ALMS1: variants seen among roughly 807,000 people sequenced by gnomAD.
The protein encoded by ALMS1 is ALMS1 centrosome and basal body associated protein.
In ALMS1, 271 loss-of-function variants were observed where a neutral mutation model predicts 352.2. The observed-to-expected ratio is 0.77, with a 90% CI of 0.70 to 0.85. The LOEUF is 0.85. Ranked by LOEUF, ALMS1 falls within the 40% of genes least tolerant of loss-of-function variation. The probability of loss-of-function intolerance (pLI) is 0.00; values close to 1 mark genes in which losing one functional copy is unlikely to be tolerated. For missense variants in ALMS1, 5,445 were observed against 4,870.7 expected (o/e 1.12, Z -3.51); for synonymous variants, 1,865 against 1,761.2 (o/e 1.06, Z -1.48).
chr2:73,392,768 T>C (rs1039556988), intron 1 of ALMS1, among the ~76,000 whole-genome samples: 3 of 152,340 alleles, frequency 2.0e-5, no homozygotes, highest in East Asian at 1.9e-4. Context: ...ATGTTTTTTT[T>C]CCTCCTTTTT....
intron 9 of ALMS1, among the ~76,000 whole-genome samples, chr2:73,466,489 T>G (rs1222539252): frequency 4.6e-4 from 8 of 17,314 alleles, no homozygotes; most frequent in Admixed American, 9.7e-4. Context: ...TGTTGTGGGG[T>G]GGGGGGAGGG....
At chr2:73,522,019 A>G (rs1406161610) in intron 11 of ALMS1, among the ~76,000 whole-genome samples, 2 of 151,776 alleles carry the variant, frequency 1.3e-5, no homozygotes, top group Non-Finnish European at 2.9e-5. Context: ...TGAATTAACA[A>G]GTTCCTCTAC....
chr2:73,428,463 A>G (rs1410350473), intron 6 of ALMS1, among the ~76,000 whole-genome samples: 3 of 152,196 alleles, frequency 2.0e-5, no homozygotes, highest in Non-Finnish European at 4.4e-5. Context: ...GAGATTGCCT[A>G]AAGTTGAGTT....
In ALMS1 at chr2:73,408,671, ATAG is replaced by A. The variant is rs760942576; in HGVS notation, c.378_380del (p.Ser126del). 33 of 1,613,650 alleles carry A rather than the reference ATAG, an allele frequency of 2.0e-5. No individual in the cohort carries two copies. In the Middle Eastern group the frequency reaches 8.3e-4, roughly 40 times the overall value. On this transcript the variant is annotated inframe_deletion, in exon 2 of 23. Coordinates refer to ENST00000613296, the MANE Select transcript of ALMS1 (RefSeq NM_001378454.1). ...TGGCAACAGATAGTATATCAAGGCA[ATAG>A]TAGAACACAAATTTCTGATACTAAT...
rs374334305 is a variant in ALMS1 at position 73,481,834 on chromosome 2, A to G, written c.7675-7800A>G. 4.0e-5 allele frequency among the ~76,000 whole-genome samples: 6 copies of G among 150,976 alleles called. No individual in the cohort carries two copies. The East Asian group carries it at 9.6e-4, about 24-fold the overall frequency. On this transcript the variant is annotated intron_variant, in intron 9 of 22. Coordinates refer to ENST00000613296, the MANE Select transcript of ALMS1 (RefSeq NM_001378454.1). The stretch of plus-strand genomic sequence containing the variant: ...ATTCCTAGGTATTTTATTCTCTTTG[A>G]AGCAATTGTGAATGGGAGTTCACTC...
intron 12 of ALMS1, among the ~76,000 whole-genome samples, chr2:73,548,834 A>T (rs1198025302): frequency 6.6e-6 from 1 of 152,170 alleles, no homozygotes. Context: ...TTACCTAGGA[A>T]GAGAAGAGAG....
chr2:73,485,585 G>T (rs1672817998), intron 9 of ALMS1, among the ~76,000 whole-genome samples: 1 of 152,224 alleles, frequency 6.6e-6, no homozygotes. Context: ...GCCTCCTTGA[G>T]CTGTGGTGGG....
At chr2:73,485,608 C>G (rs561120955) in intron 9 of ALMS1, among the ~76,000 whole-genome samples, 42 of 152,332 alleles carry the variant, frequency 2.8e-4, no homozygotes, top group Admixed American at 2.3e-3. Flanking sequence ...CCACCCAGTT[C>G]GAGCTTCCAG....
intron 2 of ALMS1, among the ~76,000 whole-genome samples, chr2:73,414,977 CT>C (rs1340357483): frequency 1.5e-4 from 23 of 152,278 alleles, no homozygotes; most frequent in African/African-American, 5.5e-4. Flanking sequence ...CCCCATACCC[CT>C]ATACACATTT....
At chr2:73,531,911 G>A (rs1288826213) in intron 11 of ALMS1, among the ~76,000 whole-genome samples, 1 of 152,178 alleles carries the variant, frequency 6.6e-6, no homozygotes, top group Admixed American at 6.5e-5. Context: ...AACAAGGTGG[G>A]AACCACACTC....
At chr2:73,462,520 T>C (rs933609797) in intron 9 of ALMS1, among the ~76,000 whole-genome samples, 147 of 152,240 alleles carry the variant, frequency 9.7e-4, no homozygotes, top group East Asian at 4.8e-3. Context: ...ATGTAAAGAC[T>C]GTCAAGGCCA....
chr2:73,545,941 T>C lies in ALMS1; in HGVS notation c.9908-4326T>C, dbSNP rs1264501051. 4.6e-5 allele frequency among the ~76,000 whole-genome samples: 7 copies of C among 152,310 alleles called. No individual in the cohort carries two copies. In the East Asian group the frequency reaches 1.3e-3, roughly 29 times the overall value. ...TAGTGTAGGCATCTTATCTTGCTTA[T>C]TTGGGTATGATTCTAGAGTTTGAAG... On this transcript the variant is annotated intron_variant, in intron 12 of 22. Coordinates refer to ENST00000613296, the MANE Select transcript of ALMS1 (RefSeq NM_001378454.1).
chr2:73,608,676 G>A (rs927454190), intron 22 of ALMS1, 102 bp downstream of exon 22: 10 of 902,058 alleles, frequency 1.1e-5, no homozygotes, highest in South Asian at 2.8e-5. Context: ...AGAATGAACC[G>A]CATTTGAGGA....
At chr2:73,498,557 C>G (rs563951919) in intron 10 of ALMS1, among the ~76,000 whole-genome samples, 50 of 151,866 alleles carry the variant, frequency 3.3e-4, no homozygotes, top group African/African-American at 1.0e-3. Context: ...CATCTCTCCC[C>G]AAACCCCTCA....
intron 9 of ALMS1, among the ~76,000 whole-genome samples, chr2:73,461,841 A>T (rs1159504727): frequency 6.6e-6 from 1 of 152,204 alleles, no homozygotes; most frequent in East Asian, 1.9e-4. Flanking sequence ...GATCAACTGG[A>T]AGAAAGGGTA....
At chr2:73,474,770 A>G (rs1672548985) in intron 9 of ALMS1, among the ~76,000 whole-genome samples, 1 of 152,182 alleles carries the variant, frequency 6.6e-6, no homozygotes, top group Non-Finnish European at 1.5e-5. Flanking sequence ...TTAGCTAACC[A>G]GTAATTTCAT....
Position 73,503,734 on chromosome 2 carries a change from A to G in ALMS1, c.9539+12236A>G, listed in dbSNP as rs897628060. 7.2e-5 allele frequency among the ~76,000 whole-genome samples: 11 copies of G among 152,120 alleles called. No individual in the cohort carries two copies. In the South Asian group the frequency reaches 8.3e-4, roughly 11 times the overall value. On this transcript the variant is annotated intron_variant, in intron 10 of 22. Transcript: ENST00000613296. ...CCACCAACAGTGTAAAAGTGTTCCT[A>G]TTTTTCCATGTCCTCTTTATCACTT...
At chr2:73,432,419 A>G (rs979843275) in intron 7 of ALMS1, 128 bp downstream of exon 7, 7 of 673,330 alleles carry the variant, frequency 1.0e-5, no homozygotes, top group Admixed American at 2.3e-5. Flanking sequence ...AGATGTGTTT[A>G]TAAATCCTGT....
intron 9 of ALMS1, among the ~76,000 whole-genome samples, chr2:73,466,851 A>C (rs1021273312): frequency 6.6e-6 from 1 of 152,102 alleles, no homozygotes; most frequent in Non-Finnish European, 1.5e-5. Context: ...TATGACAACA[A>C]TATCTTACAG....
Sources: gnomAD v4.1 joint callset for allele counts (sites outside exome capture counted in the v4.1 genomes callset) on GRCh38, gnomAD v4.1.1 for gene constraint, MANE v1.5 for transcripts, NCBI Gene and HGNC (gene_info 2026-07-23, HGNC 2026-07-21) for gene names.